Variants in EPB41 observed in about 807,000 individuals in gnomAD.
EPB41 encodes the protein protein 4.1.
Under a neutral mutation model 108.0 loss-of-function variants are expected in EPB41, and 65 were observed. The observed-to-expected ratio is 0.60, with a 90% CI of 0.49 to 0.74. EPB41 has a LOEUF of 0.74. Ranked by LOEUF, EPB41 falls within the 30% of genes least tolerant of loss-of-function variation. The pLI, the probability that EPB41 is intolerant of heterozygous loss-of-function variation, is 0.00. For synonymous variants in EPB41, 336 were observed against 358.9 expected, an observed-to-expected ratio of 0.94 and a Z score of 0.72; for missense variants, 875 against 1,037.0, an observed-to-expected ratio of 0.84 and a Z score of 2.15.
At chr1:29,052,887 T>G (rs1008380584) in intron 11 of EPB41, among the ~76,000 whole-genome samples, 7 of 152,156 alleles carry the variant, frequency 4.6e-5, no homozygotes, top group African/African-American at 1.7e-4. Flanking sequence ...CATTAACACA[T>G]TTTAGCCTTT....
intron 2 of EPB41, among the ~76,000 whole-genome samples, chr1:28,991,071 G>A (rs569892843): frequency 6.6e-6 from 1 of 151,726 alleles, no homozygotes; most frequent in Non-Finnish European, 1.5e-5. Flanking sequence ...AGAGTCGTCT[G>A]GATAAAGGTT....
chr1:28,892,093 C>CAA (rs748788169), intron 1 of EPB41, among the ~76,000 whole-genome samples: 19,608 of 69,564 alleles, frequency 0.28, 3,441 homozygotes, highest in East Asian at 0.69. Context: ...GACTGCATCT[C>CAA]AAAAAAAAAA....
At chr1:28,968,618 A>G (rs1355909422) in intron 1 of EPB41, among the ~76,000 whole-genome samples, 1 of 152,168 alleles carries the variant, frequency 6.6e-6, no homozygotes, top group Non-Finnish European at 1.5e-5. Context: ...AGGTTGATGC[A>G]AAAGTAATTG....
chr1:28,912,436 T>C (rs1446900292), upstream of EPB41, among the ~76,000 whole-genome samples: 1 of 152,124 alleles, frequency 6.6e-6, no homozygotes, highest in Admixed American at 6.6e-5. Flanking sequence ...CATAACGTGC[T>C]CAGCTCAGTG....
At chr1:28,977,343 A>G (rs995280294) in intron 1 of EPB41, among the ~76,000 whole-genome samples, 1 of 152,164 alleles carries the variant, frequency 6.6e-6, no homozygotes, top group African/African-American at 2.4e-5. Context: ...GAGATGTAAA[A>G]AAAAATGAAA....
chr1:29,104,840 G>A (rs1666614107), intron 17 of EPB41, among the ~76,000 whole-genome samples: 1 of 151,706 alleles, frequency 6.6e-6, no homozygotes, highest in Admixed American at 6.6e-5. Context: ...CTTCCGCCTC[G>A]GCCTCCCAAA....
chr1:28,897,613 GGGAGA>G lies in EPB41; in HGVS notation c.-8+10408_-8+10412del, dbSNP rs1321651106. ...GGAAGGGAAGGGAAGGGGAGGGGAG[GGGAGA>G]GGAGGGGAGAGGAGGGGAGAGGAGG... is the stretch of plus-strand genomic sequence containing the variant. On this transcript the variant is annotated intron_variant, in intron 1 of 16. Transcript: ENST00000347529. Among the ~76,000 whole-genome samples, 23 of 19,258 alleles carry G rather than the reference GGGAGA, an allele frequency of 1.2e-3. No individual in the cohort carries two copies. The East Asian group carries it at 0.019, about 16-fold the overall frequency. The allele number at this position is 19,258 out of a possible 152,430, so 12.6% of individuals were successfully genotyped here.
intron 9 of EPB41, among the ~76,000 whole-genome samples, chr1:29,034,403 T>A (rs1638579983): frequency 6.6e-6 from 1 of 152,214 alleles, no homozygotes; most frequent in South Asian, 2.1e-4. Context: ...GAAAAAGTAT[T>A]GTGGCAGCAG....
At chr1:29,102,201 G>A (rs1313770140) in intron 17 of EPB41, among the ~76,000 whole-genome samples, 1 of 152,214 alleles carries the variant, frequency 6.6e-6, no homozygotes, top group Non-Finnish European at 1.5e-5. Flanking sequence ...ATGTCCATCA[G>A]TGGAGAGCTG....
At chr1:28,896,768 T>C (rs1300979201) in intron 1 of EPB41, among the ~76,000 whole-genome samples, 2 of 152,070 alleles carry the variant, frequency 1.3e-5, no homozygotes, top group Admixed American at 6.6e-5. Flanking sequence ...CAGGAGGAAC[T>C]GTCCAGGTGA....
At chr1:28,893,085 A>G (rs1569913275) in intron 1 of EPB41, among the ~76,000 whole-genome samples, 1 of 151,990 alleles carries the variant, frequency 6.6e-6, no homozygotes, top group Non-Finnish European at 1.5e-5. Flanking sequence ...TACAAGTGTC[A>G]GGTTCTTTTA....
chr1:29,108,778 A>T (rs577417758), intron 17 of EPB41, among the ~76,000 whole-genome samples: 4 of 150,636 alleles, frequency 2.7e-5, no homozygotes, highest in African/African-American at 9.8e-5. Context: ...GCTGGTCTCA[A>T]ACCCCTGACC....
At chr1:29,100,138 A>G (rs1239136050) in intron 17 of EPB41, among the ~76,000 whole-genome samples, 1 of 151,940 alleles carries the variant, frequency 6.6e-6, no homozygotes, top group Non-Finnish European at 1.5e-5. Context: ...GGATGATGTT[A>G]TCTCCATTTA....
At position 28,916,495 on chromosome 1, in the gene EPB41, G is replaced by T. The variant is rs539584389; in HGVS notation, c.-8+1727G>T. ...TACTAAAAATGCAAAAAAGTAGCTG[G>T]GTGTGGTGGCATGTGCCTGTAATCC... On this transcript the variant is annotated intron_variant, in intron 1 of 20. Coordinates refer to ENST00000343067, the MANE Select transcript of EPB41 (RefSeq NM_001376013.1). Among the ~76,000 whole-genome samples, 3 of 152,264 alleles carry T rather than the reference G, an allele frequency of 2.0e-5. No individual in the cohort carries two copies. The East Asian group carries it at 5.8e-4, about 29-fold the overall frequency.
chr1:29,058,997 A>C (rs1047346422), intron 14 of EPB41, 145 bp downstream of exon 14: 2 of 821,860 alleles, frequency 2.4e-6, no homozygotes, highest in Non-Finnish European at 2.0e-6. Context: ...GATATGGGCC[A>C]GGAGCATTGG....
At chr1:29,079,923 G>A (rs1573658033) in intron 16 of EPB41, among the ~76,000 whole-genome samples, 1 of 151,980 alleles carries the variant, frequency 6.6e-6, no homozygotes, top group African/African-American at 2.4e-5. Flanking sequence ...CTCCGCCTGG[G>A]TGGCGGAGGT....
intron 4 of EPB41, among the ~76,000 whole-genome samples, chr1:29,001,329 C>CA (rs145371183): frequency 4.0e-5 from 6 of 151,010 alleles, no homozygotes; most frequent in East Asian, 1.9e-4. Flanking sequence ...GATCCCGTCT[C>CA]AAAAAAAAAT....
intron 3 of EPB41, among the ~76,000 whole-genome samples, chr1:28,996,710 G>T (rs1452865706): frequency 1.3e-5 from 2 of 152,170 alleles, no homozygotes; most frequent in African/African-American, 4.8e-5. Context: ...ACAAATTGAA[G>T]AACAGGAATT....
chr1:28,940,790 G>A (rs1253494354), intron 1 of EPB41, among the ~76,000 whole-genome samples: 1 of 152,166 alleles, frequency 6.6e-6, no homozygotes, highest in African/African-American at 2.4e-5. Context: ...GAGTTTGGAT[G>A]TATGTTGTGT....
Sources: gnomAD v4.1 joint callset for allele counts (sites outside exome capture counted in the v4.1 genomes callset) on GRCh38, gnomAD v4.1.1 for gene constraint, MANE v1.5 for transcripts, NCBI Gene and HGNC (gene_info 2026-07-23, HGNC 2026-07-21) for gene names.